GALNT13: variants seen among roughly 807,000 people sequenced by gnomAD.
The protein encoded by GALNT13 is UDP-GalNAc:polypeptide N-acetylgalactosaminyltransferase 13.
GALNT13 carries 28 observed loss-of-function variants against 64.2 expected under a neutral mutation model. The observed-to-expected ratio is 0.44, with a 90% CI of 0.32 to 0.60. The LOEUF is 0.60. GALNT13 is among the 20% of genes least tolerant of loss of function. GALNT13 has a pLI of 0.05. For synonymous variants in GALNT13, 214 were observed against 224.6 expected (o/e 0.95, Z 0.42); for missense variants, 577 against 669.8 (o/e 0.86, Z 1.53).
At chr2:154,270,720 A>G (rs540042922) in intron 8 of GALNT13, among the ~76,000 whole-genome samples, 3 of 151,814 alleles carry the variant, frequency 2.0e-5, no homozygotes, top group Admixed American at 2.0e-4. Flanking sequence ...TTTTTTCTTC[A>G]GATGAAAGGA....
the GALNT13 span, among the ~76,000 whole-genome samples, chr2:153,591,713 C>T: frequency 1.3e-5 from 2 of 151,768 alleles, no homozygotes; most frequent in African/African-American, 2.4e-5. Context: ...ATGTAAGACC[C>T]CAAACTGTAA....
At chr2:153,204,087 T>C in the GALNT13 span, among the ~76,000 whole-genome samples, 1 of 152,182 alleles carries the variant, frequency 6.6e-6, no homozygotes, top group Non-Finnish European at 1.5e-5. Context: ...CTATTCCTGT[T>C]TCGATACTCC....
At chr2:153,142,598 A>G in the GALNT13 span, among the ~76,000 whole-genome samples, 1 of 151,662 alleles carries the variant, frequency 6.6e-6, no homozygotes. Flanking sequence ...GAGAGAGAGA[A>G]AGTGAGACCG....
the GALNT13 span, among the ~76,000 whole-genome samples, chr2:153,729,925 C>T: frequency 5.3e-5 from 8 of 150,844 alleles, no homozygotes; most frequent in Non-Finnish European, 1.5e-5. Context: ...CACTGATGAA[C>T]GAAATTATAG....
At chr2:153,496,178 T>C in the GALNT13 span, among the ~76,000 whole-genome samples, 1 of 152,212 alleles carries the variant, frequency 6.6e-6, no homozygotes, top group East Asian at 1.9e-4. Context: ...TTAATAAACG[T>C]TATTGCAATA....
chr2:153,379,801 A>G, the GALNT13 span, among the ~76,000 whole-genome samples: 2 of 152,194 alleles, frequency 1.3e-5, no homozygotes, highest in Non-Finnish European at 2.9e-5. Flanking sequence ...CTGAATATCC[A>G]TTATGCATAT....
chr2:153,670,936 C>A, the GALNT13 span, among the ~76,000 whole-genome samples: 1 of 151,894 alleles, frequency 6.6e-6, no homozygotes, highest in African/African-American at 2.4e-5. Flanking sequence ...TTTGATTAAG[C>A]AGAAGAAAGG....
At chr2:153,545,059 T>C in the GALNT13 span, among the ~76,000 whole-genome samples, 2 of 152,168 alleles carry the variant, frequency 1.3e-5, no homozygotes, top group Non-Finnish European at 2.9e-5. Context: ...ATTATAATTT[T>C]TCTCCTAATT....
rs1332939990 is a variant in GALNT13 at position 154,396,156 on chromosome 2, T to A, written c.1296+26T>A. The stretch of plus-strand genomic sequence containing the variant: ...GTATGAATTATTTATTTTGGTTAAG[T>A]TATAAATATATTTTGCAAATGGAGC... On this transcript the variant is annotated intron_variant, in intron 10 of 12. Coordinates refer to ENST00000392825, the MANE Select transcript of GALNT13 (RefSeq NM_052917.4). 6 of 1,506,852 alleles carry A rather than the reference T, an allele frequency of 4.0e-6. No homozygotes were observed. The Admixed American group carries it at 6.9e-5, about 17-fold the overall frequency. 93.3% of individuals were successfully genotyped at this position (1,506,852 alleles called of 1,614,324 possible).
chr2:153,368,242 G>C, the GALNT13 span, among the ~76,000 whole-genome samples: 5 of 152,070 alleles, frequency 3.3e-5, no homozygotes, highest in Non-Finnish European at 4.4e-5. Flanking sequence ...AGGTAATTAG[G>C]TTTAGATGAG....
upstream of GALNT13, among the ~76,000 whole-genome samples, chr2:153,867,240 G>T (rs560081972): frequency 5.1e-4 from 78 of 152,084 alleles, no homozygotes; most frequent in Admixed American, 3.2e-3. Flanking sequence ...AACTGCACAT[G>T]CAGGCCATTC....
At chr2:154,132,119 A>G (rs1682652993) in intron 3 of GALNT13, among the ~76,000 whole-genome samples, 2 of 152,152 alleles carry the variant, frequency 1.3e-5, no homozygotes, top group African/African-American at 4.8e-5. Context: ...CACGGATTCA[A>G]AGGTTAATCT....
chr2:153,149,405 A>T, the GALNT13 span, among the ~76,000 whole-genome samples: 2 of 151,920 alleles, frequency 1.3e-5, no homozygotes, highest in East Asian at 3.9e-4. Context: ...TCTTATTATC[A>T]CTACCAACAG....
At position 154,260,155 on chromosome 2, in the gene GALNT13, C is replaced by G. The variant is rs60412954; in HGVS notation, c.975+1017C>G. Among the ~76,000 whole-genome samples, 216 of 151,922 alleles carry G rather than the reference C, an allele frequency of 1.4e-3. 1 individual carries two copies. The highest frequency in any genetic ancestry group is 4.9e-3 in the African/African-American group (205 of 41,426). On this transcript the variant is annotated intron_variant, in intron 8 of 12. Coordinates refer to ENST00000392825, the MANE Select transcript of GALNT13 (RefSeq NM_052917.4). ...CCCCCCTCTGCCTCCCAAAGAGTTG[C>G]GATTACAGGCATGAGCCACCACACC...
chr2:154,325,990 C>G (rs1477325658), intron 9 of GALNT13, among the ~76,000 whole-genome samples: 1 of 152,046 alleles, frequency 6.6e-6, no homozygotes, highest in East Asian at 1.9e-4. Context: ...TCTACATGCT[C>G]TAAATTTGGA....
At chr2:153,371,424 C>CA in the GALNT13 span, among the ~76,000 whole-genome samples, 2 of 151,862 alleles carry the variant, frequency 1.3e-5, no homozygotes, top group Admixed American at 6.6e-5. Context: ...TAGAAAGTCT[C>CA]AAAAAAATGT....
the GALNT13 span, among the ~76,000 whole-genome samples, chr2:153,069,632 T>C: frequency 6.6e-6 from 1 of 152,186 alleles, no homozygotes; most frequent in African/African-American, 2.4e-5. Flanking sequence ...ACAGGGACTA[T>C]AGTCCCATGC....
intron 3 of GALNT13, among the ~76,000 whole-genome samples, chr2:154,072,182 C>T (rs992781394): frequency 6.6e-6 from 1 of 152,006 alleles, no homozygotes; most frequent in Non-Finnish European, 1.5e-5. Context: ...TAGAGAATAG[C>T]ATTATTTTGA....
At chr2:154,013,231 T>A (rs1405827426) in intron 3 of GALNT13, among the ~76,000 whole-genome samples, 1 of 151,788 alleles carries the variant, frequency 6.6e-6, no homozygotes, top group Admixed American at 6.6e-5. Flanking sequence ...TTTGCTTTTA[T>A]CTTCTTTGAA....
Sources: gnomAD v4.1 joint callset for allele counts (sites outside exome capture counted in the v4.1 genomes callset) on GRCh38, gnomAD v4.1.1 for gene constraint, MANE v1.5 for transcripts, NCBI Gene and HGNC (gene_info 2026-07-23, HGNC 2026-07-21) for gene names.